The following WDR20 variants were observed in gnomAD, a reference collection of about 807,000 sequenced individuals.
The protein encoded by WDR20 is WD repeat-containing protein 20.
In WDR20, 3 loss-of-function variants were observed where a neutral mutation model predicts 38.7. The ratio of observed to expected loss-of-function variants is 0.08; its 90% CI spans 0.04 to 0.20. The LOEUF (loss-of-function observed/expected upper bound fraction) is 0.20. Among genes scored for constraint, WDR20 ranks in the 10% least tolerant of loss-of-function variants. WDR20 has a pLI of 1.00. For synonymous variants in WDR20, 298 were observed against 285.6 expected, an observed-to-expected ratio of 1.04 and a Z score of -0.44; for missense variants, 559 against 727.7, an observed-to-expected ratio of 0.77 and a Z score of 2.67.
downstream of WDR20, among the ~76,000 whole-genome samples, chr14:102,216,641 A>G (rs990106161): frequency 1.3e-5 from 2 of 152,208 alleles, no homozygotes; most frequent in African/African-American, 4.8e-5. Flanking sequence ...AAAAATAGCT[A>G]GTTCTCAGCT....
chr14:102,194,703 G>C (rs2059125254), intron 1 of WDR20, among the ~76,000 whole-genome samples: 1 of 152,172 alleles, frequency 6.6e-6, no homozygotes, highest in Admixed American at 6.5e-5. Context: ...AGGAGAATAA[G>C]TTGTGAAAGT....
chr14:102,197,075 T>C (rs1055267451), intron 2 of WDR20, among the ~76,000 whole-genome samples: 5 of 152,156 alleles, frequency 3.3e-5, no homozygotes, highest in African/African-American at 1.2e-4. Context: ...TGGTGTGACA[T>C]TTACAGGTTT....
chr14:102,213,514 A>G (rs2062816378), downstream of WDR20: 2 of 985,462 alleles, frequency 2.0e-6, no homozygotes, highest in Non-Finnish European at 2.4e-6. Flanking sequence ...AGCTATCACA[A>G]TCATTCTTTT....
intron 1 of WDR20, among the ~76,000 whole-genome samples, chr14:102,186,418 C>T (rs952255734): frequency 6.6e-6 from 1 of 152,106 alleles, no homozygotes; most frequent in African/African-American, 2.4e-5. Context: ...GTCATTAGAC[C>T]CACCCAGTTA....
In WDR20 at chr14:102,195,033, T is replaced by C. The variant is rs2059178606; in HGVS notation, c.345T>C (p.Ser115=). ...DFNHLTATAE[S]VSLLVGFSAG... The stretch of plus-strand genomic sequence containing the variant: ...ACCACCTAACAGCCACAGCAGAAAG[T>C]GTCTCTCTCCTAGTGGGCTTTTCCG... Residue 115 remains serine (S), a synonymous_variant, in exon 2 of 3, where the codon AGT becomes AGC. Transcript: ENST00000342702. 1.2e-6 allele frequency: 2 copies of C among 1,614,236 alleles called. No individual in the cohort carries two copies. Among genetic ancestry groups the C allele is most frequent in the East Asian group, 2.2e-5 (1 of 44,886 alleles).
At chr14:102,213,419 C>T (rs2062806245), downstream of WDR20, 1 of 985,306 alleles carries the variant, frequency 1.0e-6, no homozygotes, top group African/African-American at 1.7e-5. Context: ...AACCTTCTAG[C>T]AGTTTGGAAG....
intron 1 of WDR20, among the ~76,000 whole-genome samples, chr14:102,191,588 G>A (rs1310606841): frequency 2.0e-5 from 3 of 152,184 alleles, no homozygotes; most frequent in Admixed American, 6.5e-5. Context: ...AAAAGCTCTG[G>A]CCCAAGAGTG....
At position 102,210,205 on chromosome 14, in the gene WDR20, A is replaced by C. The variant is rs2062278344; in HGVS notation, c.*325A>C. On this transcript the variant is annotated 3_prime_UTR_variant, in exon 3 of 3. Coordinates refer to ENST00000342702, the MANE Select transcript of WDR20 (RefSeq NM_144574.4). ...GACCATGTGGGGAAACAATGACTTT[A>C]AAATGCTGAAATTAAAATTTATGCT... 5 of 1,045,128 alleles carry C rather than the reference A, an allele frequency of 4.8e-6. No homozygotes were observed. Among genetic ancestry groups the C allele is most frequent in the Admixed American group, 9.9e-5 (2 of 20,214 alleles). The allele number at this position is 1,045,128 out of a possible 1,614,324, so 64.7% of individuals were successfully genotyped here.
At chr14:102,164,568 C>G (rs999405675) in intron 1 of WDR20, among the ~76,000 whole-genome samples, 1 of 152,174 alleles carries the variant, frequency 6.6e-6, no homozygotes, top group Non-Finnish European at 1.5e-5. Flanking sequence ...ATACTGATGA[C>G]TCAACTTCAT....
Position 102,208,962 on chromosome 14 carries a change from C to T in WDR20, c.792C>T (p.Gly264=), listed in dbSNP as rs2062048987. 5 of 1,614,164 alleles carry T rather than the reference C, an allele frequency of 3.1e-6. No homozygotes were observed. Among genetic ancestry groups the T allele is most frequent in the Non-Finnish European group, 4.2e-6 (5 of 1,180,032 alleles). Residue 264 remains glycine (G), a synonymous_variant, in exon 3 of 3, where the codon GGC becomes GGT. Coordinates refer to ENST00000342702, the MANE Select transcript of WDR20 (RefSeq NM_144574.4). This position sits in a 1 kb window ranked among gnomAD's most constrained non-coding sequence, Gnocchi z 5.6. ...GTACGATGAAAAGCTACTTTGGGGGCTTGCTGTGTGTGTGCTGGAGCCCGG... is the reference window on the plus strand; with the variant it reads ...GTACGATGAAAAGCTACTTTGGGGGTTTGCTGTGTGTGTGCTGGAGCCCGG... The part of the protein sequence containing the change: ...LHGTMKSYFG[G]LLCVCWSPDG...
At chr14:102,203,261 G>A (rs1447260669) in intron 2 of WDR20, among the ~76,000 whole-genome samples, 1 of 152,152 alleles carries the variant, frequency 6.6e-6, no homozygotes. Context: ...CATTAAAATA[G>A]TAAAAACCAG....
At chr14:102,213,703 T>C (rs527716573), downstream of WDR20, 12 of 985,426 alleles carry the variant, frequency 1.2e-5, no homozygotes, top group South Asian at 5.6e-4. Flanking sequence ...TGGGGTTCAT[T>C]TTAAATAATA....
chr14:102,203,544 A>C (rs2060905200), intron 2 of WDR20, among the ~76,000 whole-genome samples: 1 of 152,108 alleles, frequency 6.6e-6, no homozygotes, highest in Non-Finnish European at 1.5e-5. Context: ...ACTCCAGACC[A>C]AATTCCCCTC....
intron 1 of WDR20, among the ~76,000 whole-genome samples, chr14:102,177,436 T>C (rs959107293): frequency 3.3e-5 from 5 of 152,130 alleles, no homozygotes; most frequent in Non-Finnish European, 7.4e-5. Context: ...TGACACTGGG[T>C]TTTTGAGAAA....
chr14:102,139,832 C>G (rs1019840973), upstream of WDR20: 107 of 1,540,196 alleles, frequency 6.9e-5, 1 homozygote, highest in South Asian at 7.0e-4. Context: ...AAGGAAGAGG[C>G]AGGGGGTGGG....
At chr14:102,214,028 C>T (rs1012646012), downstream of WDR20, 2 of 985,386 alleles carry the variant, frequency 2.0e-6, no homozygotes, top group African/African-American at 3.5e-5. Context: ...CCTGCCCTGC[C>T]TCCGGTGCCG....
intron 1 of WDR20, 109 bp downstream of exon 1, chr14:102,140,281 T>G (rs1314591684): frequency 1.3e-6 from 2 of 1,504,652 alleles, no homozygotes; most frequent in African/African-American, 2.8e-5. Context: ...TCGCTCTTAC[T>G]TTTGAGTGGG....
In WDR20 at chr14:102,209,542, G is replaced by A. The variant is rs553080667; in HGVS notation, c.1372G>A (p.Val458Ile). ...CATGGACGGGGCCATTGCTTCTGGGGTCAGCAAATTTGCAACACTTTCACT... is the reference window on the plus strand; with the variant it reads ...CATGGACGGGGCCATTGCTTCTGGGATCAGCAAATTTGCAACACTTTCACT... The part of the protein sequence containing the change: ...SVMDGAIASG[V>I]SKFATLSLHD... The change falls in exon 3 of 3, where the codon GTC becomes ATC. Residue 458 changes from valine to isoleucine, a missense_variant. Coordinates refer to ENST00000342702, the MANE Select transcript of WDR20 (RefSeq NM_144574.4). The surrounding 1 kb of genome is among the most constrained non-coding windows in gnomAD (Gnocchi z 6.0). 2.1e-4 allele frequency: 336 copies of A among 1,614,168 alleles called. 6 individuals carry two copies. The South Asian group carries it at 3.4e-3, about 17-fold the overall frequency.
At chr14:102,159,391 C>G (rs2058158240) in intron 1 of WDR20, among the ~76,000 whole-genome samples, 1 of 152,218 alleles carries the variant, frequency 6.6e-6, no homozygotes, top group African/African-American at 2.4e-5. Flanking sequence ...TCAGCGGTCA[C>G]CTGGGAGCCT....
Sources: allele counts gnomAD v4.1 joint callset (sites outside exome capture counted in the v4.1 genomes callset), GRCh38; gene constraint gnomAD v4.1.1; non-coding constraint Gnocchi (gnomAD v3.1); transcripts MANE v1.5; gene names NCBI Gene and HGNC (gene_info 2026-07-23, HGNC 2026-07-21).